CYP7B1: variants seen among roughly 807,000 people sequenced by gnomAD.
The protein encoded by CYP7B1 is cytochrome P450 7B1.
CYP7B1 carries 29 observed loss-of-function variants against 42.7 expected under a neutral mutation model. The ratio of observed to expected loss-of-function variants is 0.68; its 90% CI spans 0.51 to 0.93. CYP7B1 has a LOEUF of 0.93. Among genes scored for constraint, CYP7B1 ranks in the 40% least tolerant of loss-of-function variants. The pLI is 0.00. For synonymous variants in CYP7B1, 235 were observed against 218.2 expected (o/e 1.08, Z -0.68); for missense variants, 655 against 600.5 (o/e 1.09, Z -0.95).
chr8:64,673,800 G>A (rs1806402376), intron 1 of CYP7B1, among the ~76,000 whole-genome samples: 1 of 152,086 alleles, frequency 6.6e-6, no homozygotes, highest in Non-Finnish European at 1.5e-5. Flanking sequence ...GGTAATCAGA[G>A]TACATGGAAT....
At chr8:64,601,158 A>G (rs1805197425) in intron 5 of CYP7B1, among the ~76,000 whole-genome samples, 1 of 152,160 alleles carries the variant, frequency 6.6e-6, no homozygotes, top group Admixed American at 6.6e-5. Flanking sequence ...GTGATTTAGA[A>G]TTTTTTCAAG....
intron 5 of CYP7B1, among the ~76,000 whole-genome samples, chr8:64,602,997 G>A (rs186313130): frequency 2.9e-4 from 44 of 152,218 alleles, no homozygotes; most frequent in Middle Eastern, 3.4e-3. Context: ...AAACAATGGC[G>A]TGACAATAAA....
chr8:64,770,375 A>C (rs1804201819), intron 1 of CYP7B1, among the ~76,000 whole-genome samples: 2 of 152,186 alleles, frequency 1.3e-5, no homozygotes, highest in Non-Finnish European at 2.9e-5. Context: ...AGGGTGAAGA[A>C]CTTGTCTTCA....
intron 1 of CYP7B1, among the ~76,000 whole-genome samples, chr8:64,669,268 A>G (rs564926322): frequency 2.6e-5 from 4 of 152,300 alleles, no homozygotes; most frequent in East Asian, 1.9e-4. Context: ...AGAATTAAGT[A>G]TATCGTACTG....
At chr8:64,757,446 A>G (rs1176362781) in intron 1 of CYP7B1, among the ~76,000 whole-genome samples, 5 of 152,222 alleles carry the variant, frequency 3.3e-5, no homozygotes, top group African/African-American at 7.2e-5. Context: ...AAGGATAGTG[A>G]GAGGGAAAGT....
In CYP7B1 at chr8:64,616,285, GA is replaced by G. The variant is rs8192896; in HGVS notation, c.260-5del. On this transcript the variant is annotated splice_region_variant and splice_polypyrimidine_tract_variant and intron_variant, in intron 2 of 5. Transcript: ENST00000310193. ...AGGATAAATGTTATGTACTTTCCTA[GA>G]AAAAAAAAAAGAGAGAGAAAATATG... The G allele has an allele frequency of 0.018, 19,981 of 1,107,086 alleles. 1 individual carries two copies. The highest frequency in any genetic ancestry group is 0.024 in the Admixed American group (931 of 39,196). 68.6% of individuals were successfully genotyped at this position (1,107,086 alleles called of 1,614,324 possible).
intron 1 of CYP7B1, among the ~76,000 whole-genome samples, chr8:64,667,362 C>G (rs542990177): frequency 6.6e-6 from 1 of 152,074 alleles, no homozygotes; most frequent in Non-Finnish European, 1.5e-5. Context: ...CACCATTACT[C>G]GGAGCATGCT....
At chr8:64,633,186 G>A (rs1450731427) in intron 1 of CYP7B1, among the ~76,000 whole-genome samples, 4 of 152,110 alleles carry the variant, frequency 2.6e-5, no homozygotes, top group African/African-American at 9.7e-5. Context: ...CACCTGTAAA[G>A]GAGAATGTTG....
chr8:64,758,180 G>C (rs1239241148), intron 1 of CYP7B1, among the ~76,000 whole-genome samples: 1 of 152,120 alleles, frequency 6.6e-6, no homozygotes, highest in Admixed American at 6.5e-5. Context: ...GGGCAGTAGA[G>C]AGTCCACTGC....
At chr8:64,671,264 TGG>T (rs965952159) in intron 1 of CYP7B1, among the ~76,000 whole-genome samples, 1 of 152,010 alleles carries the variant, frequency 6.6e-6, no homozygotes, top group African/African-American at 2.4e-5. Flanking sequence ...GGGGCAGTGG[TGG>T]GGGCAGAAAA....
chr8:64,740,141 A>G (rs1197432278), intron 1 of CYP7B1, among the ~76,000 whole-genome samples: 1 of 152,126 alleles, frequency 6.6e-6, no homozygotes, highest in African/African-American at 2.4e-5. Context: ...TCAAGCTTAC[A>G]GAGAACACTT....
rs370428095 is a variant in CYP7B1 at position 64,683,466 on chromosome 8, G to C, written c.123-58927C>G. ...TGCAAGGGTAGTGGGAGTTGTGGGG[G>C]AAGATGGTTAATGGGTACAAAAAAA... On this transcript the variant is annotated intron_variant, in intron 1 of 5. Transcript: ENST00000310193. Among the ~76,000 whole-genome samples the C allele has an allele frequency of 1.8e-3, 268 of 152,296 alleles. 1 individual carries two copies. Among genetic ancestry groups the C allele is most frequent in the Non-Finnish European group, 3.0e-3 (201 of 68,012 alleles).
At chr8:64,624,951 CTTTTTTTTTTTTTTTTTTTTTT>C (rs71260892) in intron 1 of CYP7B1, among the ~76,000 whole-genome samples, 26 of 54,062 alleles carry the variant, frequency 4.8e-4, no homozygotes, top group African/African-American at 2.5e-3. Context: ...TTATATCATT[CTTTTTTTTTTTTTTTTTTTTTT>C]TTTTTTTTTT....
chr8:64,706,431 A>G (rs1807000442), intron 1 of CYP7B1, among the ~76,000 whole-genome samples: 1 of 152,056 alleles, frequency 6.6e-6, no homozygotes, highest in African/African-American at 2.4e-5. Flanking sequence ...TCATTTAAGC[A>G]CATACTTTCT....
chr8:64,673,394 G>A (rs1286840133), intron 1 of CYP7B1, among the ~76,000 whole-genome samples: 4 of 152,010 alleles, frequency 2.6e-5, no homozygotes, highest in Non-Finnish European at 4.4e-5. Context: ...CCCCATTAAC[G>A]ACTTTCCACT....
chr8:64,635,811 A>G (rs1286451352), intron 1 of CYP7B1, among the ~76,000 whole-genome samples: 1 of 152,200 alleles, frequency 6.6e-6, no homozygotes, highest in Non-Finnish European at 1.5e-5. Flanking sequence ...CAGTTCATCT[A>G]TGTAATTTTG....
chr8:64,625,059 C>T lies in CYP7B1; in HGVS notation c.123-520G>A, dbSNP rs549172862. Among the ~76,000 whole-genome samples the T allele has an allele frequency of 2.6e-3, 368 of 143,612 alleles. 7 individuals are homozygous for T. The highest frequency in any genetic ancestry group is 9.1e-4 in the South Asian group (4 of 4,392). The allele number at this position is 143,612 out of a possible 152,430, so 94.2% of individuals were successfully genotyped here. ...TGCGATCTCGGCTCACTGCAAGCTGCGCCTCCCGGGTTCACGCCATTCTCC... is the reference window on the plus strand; with the variant it reads ...TGCGATCTCGGCTCACTGCAAGCTGTGCCTCCCGGGTTCACGCCATTCTCC... On this transcript the variant is annotated intron_variant, in intron 1 of 5. Transcript: ENST00000310193.
chr8:64,757,644 T>C (rs1807827098), intron 1 of CYP7B1, among the ~76,000 whole-genome samples: 1 of 152,228 alleles, frequency 6.6e-6, no homozygotes, highest in East Asian at 1.9e-4. Context: ...TTAACCAAGT[T>C]CAGCACAGGC....
intron 5 of CYP7B1, among the ~76,000 whole-genome samples, chr8:64,597,217 C>G (rs1805132640): frequency 1.3e-5 from 2 of 152,164 alleles, no homozygotes; most frequent in African/African-American, 2.4e-5. Flanking sequence ...GGCAACATCA[C>G]TATTTTTGCT....
Sources: gnomAD v4.1 joint callset for allele counts (sites outside exome capture counted in the v4.1 genomes callset) on GRCh38, gnomAD v4.1.1 for gene constraint, MANE v1.5 for transcripts, NCBI Gene and HGNC (gene_info 2026-07-23, HGNC 2026-07-21) for gene names.